Variants in SMG7 observed in about 807,000 individuals in gnomAD.
SMG7 encodes SMG7 nonsense mediated mRNA decay factor, also known as nonsense-mediated mRNA decay factor SMG7.
In SMG7, 34 loss-of-function variants were observed where a neutral mutation model predicts 148.2. That is an observed-to-expected ratio of 0.23 (90% CI 0.17 to 0.31). The LOEUF (loss-of-function observed/expected upper bound fraction) is 0.31, where lower values mean the gene tolerates loss of function less well. Among genes scored for constraint, SMG7 ranks in the 10% least tolerant of loss-of-function variants. SMG7 has a pLI of 1.00. For synonymous variants in SMG7, 492 were observed against 515.1 expected (o/e 0.96, Z 0.61); for missense variants, 1,114 against 1,408.4 (o/e 0.79, Z 3.35).
intron 14 of SMG7, among the ~76,000 whole-genome samples, chr1:183,542,925 A>ATGTGTGTGTGTGTG: frequency 7.1e-6 from 1 of 141,646 alleles, no homozygotes; most frequent in Non-Finnish European, 1.5e-5. Context: ...TAATATATAT[A>ATGTGTGTGTGTGTG]TATGTGTGTG....
At chr1:183,526,881 T>G (rs1167104425) in intron 5 of SMG7, 114 bp downstream of exon 5, 1 of 828,298 alleles carries the variant, frequency 1.2e-6, no homozygotes, top group Middle Eastern at 2.5e-4. Context: ...TAGATTGTCA[T>G]AAGAAGAAAC....
chr1:183,541,941 G>A, intron 13 of SMG7, 135 bp from the exon 14 acceptor site: 1 of 718,380 alleles, frequency 1.4e-6, no homozygotes, highest in East Asian at 2.7e-5. Context: ...TGTGTTACCT[G>A]AATCCACATT....
In SMG7 at chr1:183,516,006, T is replaced by C; in HGVS notation, c.179+15T>C. 1 of 1,469,416 alleles carries C rather than the reference T, an allele frequency of 6.8e-7. No homozygotes were observed. Among genetic ancestry groups the C allele is most frequent in the Non-Finnish European group, 9.5e-7 (1 of 1,052,184 alleles). 91.0% of individuals were successfully genotyped at this position (1,469,416 alleles called of 1,614,324 possible). ...GAACAGGATCTGTAAGTATTACCTA[T>C]CATTTGAGAAGTCCCTGTAAGATCA... On this transcript the variant is annotated intron_variant, in intron 3 of 22. Transcript: ENST00000688051.
intron 1 of SMG7, among the ~76,000 whole-genome samples, chr1:183,503,420 A>T (rs571317214): frequency 5.0e-4 from 76 of 151,710 alleles, no homozygotes; most frequent in African/African-American, 1.6e-3. Context: ...GGAGAAAAAT[A>T]AAAAAAAATA....
chr1:183,484,871 C>T (rs919620577), intron 1 of SMG7, among the ~76,000 whole-genome samples: 2 of 152,086 alleles, frequency 1.3e-5, no homozygotes, highest in Non-Finnish European at 2.9e-5. Flanking sequence ...TGCCATATAG[C>T]TTCTGGGTTA....
At chr1:183,549,326 G>A (rs1325061575) in intron 19 of SMG7, 38 bp downstream of exon 19, 1 of 1,372,376 alleles carries the variant, frequency 7.3e-7, no homozygotes, top group Non-Finnish European at 1.0e-6. Flanking sequence ...TGTGCTTTTA[G>A]TGTAGACTGA....
Position 183,494,953 on chromosome 1 carries a change from C to T in SMG7, c.30-17884C>T, listed in dbSNP as rs552070341. 2.0e-5 allele frequency among the ~76,000 whole-genome samples: 3 copies of T among 151,242 alleles called. No homozygotes were observed. The South Asian group carries it at 6.3e-4, about 32-fold the overall frequency. On this transcript the variant is annotated intron_variant, in intron 1 of 22. Coordinates refer to ENST00000688051, the MANE Select transcript of SMG7 (RefSeq NM_001375584.1). ...AAGCGATTCTCCTGCCTCAGCCTCC[C>T]GAGCAGCTGGGACTACAGACACACG...
Position 183,517,836 on chromosome 1 carries a change from T to C in SMG7, c.312+16T>C. The C allele has an allele frequency of 6.2e-7, 1 of 1,613,404 alleles. No homozygotes were observed. Among genetic ancestry groups the C allele is most frequent in the Non-Finnish European group, 8.5e-7 (1 of 1,179,402 alleles). ...CTATACTCAGGTGAGTTCTGCATTGTATACCAGTTTTCTTACTATTAGTGG... is the reference window on the plus strand; with the variant it reads ...CTATACTCAGGTGAGTTCTGCATTGCATACCAGTTTTCTTACTATTAGTGG... On this transcript the variant is annotated intron_variant, in intron 4 of 22. Coordinates refer to ENST00000688051, the MANE Select transcript of SMG7 (RefSeq NM_001375584.1).
At chr1:183,508,953 G>C (rs1307550447) in intron 1 of SMG7, among the ~76,000 whole-genome samples, 1 of 152,116 alleles carries the variant, frequency 6.6e-6, no homozygotes, top group African/African-American at 2.4e-5. Flanking sequence ...CCATAATTTG[G>C]TTTGGGAACT....
intron 11 of SMG7, among the ~76,000 whole-genome samples, chr1:183,537,788 A>G (rs893972095): frequency 4.6e-5 from 7 of 152,200 alleles, no homozygotes; most frequent in Admixed American, 2.6e-4. Context: ...ATTCCATCCT[A>G]TGGAAGTGCT....
chr1:183,478,172 T>C (rs1653143467), intron 1 of SMG7, among the ~76,000 whole-genome samples: 1 of 152,104 alleles, frequency 6.6e-6, no homozygotes, highest in African/African-American at 2.4e-5. Context: ...CTAGTAATGC[T>C]AGATCAGATA....
chr1:183,524,242 C>T (rs1665374252), intron 4 of SMG7, among the ~76,000 whole-genome samples: 2 of 152,014 alleles, frequency 1.3e-5, no homozygotes, highest in African/African-American at 4.8e-5. Flanking sequence ...TGCCACCACA[C>T]GTGGCTAATT....
intron 19 of SMG7, 71 bp downstream of exon 19, chr1:183,549,359 T>A (rs764012318): frequency 9.4e-7 from 1 of 1,067,948 alleles, no homozygotes; most frequent in Non-Finnish European, 1.4e-6. Context: ...TCATACTGTT[T>A]CAGTATGTCT....
intron 1 of SMG7, among the ~76,000 whole-genome samples, chr1:183,484,745 G>A (rs1488727278): frequency 2.0e-5 from 3 of 152,014 alleles, no homozygotes; most frequent in East Asian, 1.9e-4. Context: ...AGACTCCTGA[G>A]TTAATATCCT....
intron 1 of SMG7, among the ~76,000 whole-genome samples, chr1:183,503,497 A>G (rs1008808700): frequency 5.3e-5 from 8 of 152,202 alleles, no homozygotes; most frequent in African/African-American, 1.7e-4. Flanking sequence ...TGTTTATACT[A>G]AGAACATAGT....
Position 183,531,583 on chromosome 1 carries a change from A to C in SMG7, c.844-1581A>C, listed in dbSNP as rs1324777605. 3.3e-5 allele frequency among the ~76,000 whole-genome samples: 5 copies of C among 152,278 alleles called. No homozygotes were observed. The East Asian group carries it at 7.7e-4, about 23-fold the overall frequency. On this transcript the variant is annotated intron_variant, in intron 8 of 22. Transcript: ENST00000688051. Reference sequence around the variant, plus strand: ...CACTTTTCTAGGCTTTTAGAGATATAGGGGAAAACATGACAAAGTCTGGAC... The same window carrying C: ...CACTTTTCTAGGCTTTTAGAGATATCGGGGAAAACATGACAAAGTCTGGAC...
At chr1:183,525,668 C>A (rs1330148209) in intron 4 of SMG7, among the ~76,000 whole-genome samples, 1 of 151,836 alleles carries the variant, frequency 6.6e-6, no homozygotes, top group Non-Finnish European at 1.5e-5. Context: ...GGGAGACAGA[C>A]AGGAACCAGA....
At chr1:183,487,745 T>A (rs1403847012) in intron 1 of SMG7, among the ~76,000 whole-genome samples, 1 of 152,130 alleles carries the variant, frequency 6.6e-6, no homozygotes, top group African/African-American at 2.4e-5. Context: ...AAATGTGGGG[T>A]TGATGTGTTT....
rs1666206479 is a variant in SMG7, at chr1:183,528,086, GC to G, written c.556+60del. ...ACACTTTGTTCTTTATAACAATGTG[GC>G]AGATAACTCAGGGCTCACCTTTGAA... On this transcript the variant is annotated intron_variant, in intron 6 of 22. Coordinates refer to ENST00000688051, the MANE Select transcript of SMG7 (RefSeq NM_001375584.1). 5.3e-6 allele frequency: 7 copies of G among 1,321,386 alleles called. No individual in the cohort carries two copies. The South Asian group carries it at 7.6e-5, about 14-fold the overall frequency. 81.9% of individuals were successfully genotyped at this position (1,321,386 alleles called of 1,614,324 possible). A position where few individuals can be genotyped will look rare whatever the true frequency, so the allele number is the denominator to read the frequency against.
Sources: gnomAD v4.1 joint callset for allele counts (sites outside exome capture counted in the v4.1 genomes callset) on GRCh38, gnomAD v4.1.1 for gene constraint, MANE v1.5 for transcripts, NCBI Gene and HGNC (gene_info 2026-07-23, HGNC 2026-07-21) for gene names.